Variants in CFAP92 observed in about 807,000 individuals in gnomAD.
CFAP92 encodes the protein cilia and flagella associated protein 92 (putative), also known as uncharacterized protein CFAP92.
CFAP92 carries 86 observed loss-of-function variants against 106.3 expected under a neutral mutation model. The ratio of observed to expected loss-of-function variants is 0.81; its 90% CI spans 0.68 to 0.97. The LOEUF (loss-of-function observed/expected upper bound fraction) is 0.97. CFAP92 is among the 50% of genes least tolerant of loss of function. CFAP92 has a pLI of 0.00. For synonymous variants in CFAP92, 477 were observed against 506.4 expected (o/e 0.94, Z 0.78); for missense variants, 1,204 against 1,283.8 (o/e 0.94, Z 0.95).
intron 15 of CFAP92, 63 bp downstream of exon 15, chr3:128,915,056 G>T (rs1936692020): frequency 4.0e-6 from 6 of 1,482,212 alleles, no homozygotes. Flanking sequence ...ATGCAGAGTG[G>T]CACAGAGCTC....
chr3:128,949,379 A>G (rs756628412), intron 9 of CFAP92, among the ~76,000 whole-genome samples: 4 of 152,356 alleles, frequency 2.6e-5, no homozygotes, highest in Non-Finnish European at 5.9e-5. Flanking sequence ...CAGCAATGAA[A>G]AGGAAAGAAC....
chr3:128,932,568 GC>G, intron 12 of CFAP92, 131 bp downstream of exon 12: 1 of 885,414 alleles, frequency 1.1e-6, no homozygotes, highest in South Asian at 1.8e-5. Context: ...CAGCAGGGTA[GC>G]CCAGGCCAGG....
intron 10 of CFAP92, among the ~76,000 whole-genome samples, chr3:128,935,749 G>A (rs1463813589): frequency 1.3e-5 from 2 of 152,114 alleles, no homozygotes; most frequent in East Asian, 1.9e-4. Context: ...GCCCAGGCAG[G>A]TGGAGGCTGC....
chr3:128,915,113 TGTTACCTGTTACAGGC>T lies in CFAP92; in HGVS notation c.3270_3280+5del. The T allele has an allele frequency of 6.5e-7, 1 of 1,535,444 alleles. No individual in the cohort carries two copies. Among genetic ancestry groups the T allele is most frequent in the Non-Finnish European group, 8.7e-7 (1 of 1,146,578 alleles). The stretch of plus-strand genomic sequence containing the variant: ...AGGCCCAGCTTGGCAAACCCTTGCC[TGTTACCTGTTACAGGC>T]TTTGGTGCGGGCGAAGGGAGCAGCT... On this transcript the variant is annotated splice_donor_variant and splice_donor_5th_base_variant and coding_sequence_variant and intron_variant, in exon 15 of 16. Coordinates refer to ENST00000645291, the MANE Select transcript of CFAP92 (RefSeq NM_001394090.1). LOFTEE classifies it high-confidence loss of function.
chr3:129,016,862 A>G, the CFAP92 span, among the ~76,000 whole-genome samples: 1 of 152,222 alleles, frequency 6.6e-6, no homozygotes, highest in Non-Finnish European at 1.5e-5. Context: ...TGAGTGGTTT[A>G]TCAGTGATGA....
the CFAP92 span, among the ~76,000 whole-genome samples, chr3:129,023,453 C>T: frequency 6.6e-6 from 1 of 152,016 alleles, no homozygotes; most frequent in Non-Finnish European, 1.5e-5. Flanking sequence ...CTCAGCCTCC[C>T]GAGTAGCTGG....
At position 128,945,561 on chromosome 3, in the gene CFAP92, C is replaced by G; in HGVS notation, c.1768G>C (p.Glu590Gln). 6.5e-7 allele frequency: 1 copy of G among 1,536,210 alleles called. No homozygotes were observed. Among genetic ancestry groups the G allele is most frequent in the Non-Finnish European group, 8.7e-7 (1 of 1,146,932 alleles). The part of the protein sequence containing the change: ...LNLAVPIHSC[E>Q]VQPTHCGQDS... ...TGGCCGCAGTGTGTGGGCTGAACCTCACAGCTGTGGATGGGGACGGCCAGA... is the reference window on the plus strand; with the variant it reads ...TGGCCGCAGTGTGTGGGCTGAACCTGACAGCTGTGGATGGGGACGGCCAGA... Residue 590 changes from glutamate (E) to glutamine (Q), a missense_variant, in exon 10 of 16, where the codon GAG becomes CAG. Coordinates refer to ENST00000645291, the MANE Select transcript of CFAP92 (RefSeq NM_001394090.1).
chr3:128,917,134 C>G (rs1186649890), intron 12 of CFAP92, among the ~76,000 whole-genome samples: 6 of 152,166 alleles, frequency 3.9e-5, no homozygotes, highest in Non-Finnish European at 8.8e-5. Flanking sequence ...AAGTCTAGGT[C>G]CTCAGACTTT....
chr3:128,982,030 T>C (rs944743274), intron 4 of CFAP92, among the ~76,000 whole-genome samples: 34 of 152,164 alleles, frequency 2.2e-4, no homozygotes, highest in African/African-American at 6.5e-4. Context: ...TCAATGAGCA[T>C]TGGCCTCTAC....
At chr3:128,961,508 C>A (rs1941918924) in intron 9 of CFAP92, among the ~76,000 whole-genome samples, 1 of 152,204 alleles carries the variant, frequency 6.6e-6, no homozygotes, top group Admixed American at 6.5e-5. Context: ...GGTTTTCATT[C>A]CGTGACTAGC....
At chr3:129,024,153 G>A in the CFAP92 span, among the ~76,000 whole-genome samples, 1 of 152,196 alleles carries the variant, frequency 6.6e-6, no homozygotes, top group African/African-American at 2.4e-5. Flanking sequence ...CCACACGAGG[G>A]CTCTAGGAGC....
At chr3:129,013,890 G>T in the CFAP92 span, among the ~76,000 whole-genome samples, 1 of 152,230 alleles carries the variant, frequency 6.6e-6, no homozygotes, top group African/African-American at 2.4e-5. Context: ...CCGGGCAGAG[G>T]ACCTGGCCAA....
At chr3:128,918,131 G>A (rs1260234826) in intron 12 of CFAP92, among the ~76,000 whole-genome samples, 2 of 152,178 alleles carry the variant, frequency 1.3e-5, no homozygotes, top group Non-Finnish European at 2.9e-5. Context: ...CTAATTGTGA[G>A]GGCTTAGGTT....
chr3:129,002,316 G>T, intron 1 of CFAP92: 1 of 1,522,144 alleles, frequency 6.6e-7, no homozygotes. Flanking sequence ...GCGCTGCCTA[G>T]CACTGCAGGT....
chr3:128,992,050 T>C (rs1243977466), intron 2 of CFAP92, among the ~76,000 whole-genome samples: 3 of 152,120 alleles, frequency 2.0e-5, no homozygotes, highest in Non-Finnish European at 2.9e-5. Context: ...GGGTCTAGGA[T>C]AGCCCACTGG....
chr3:128,959,789 A>G (rs1315866696), intron 9 of CFAP92, among the ~76,000 whole-genome samples: 1 of 152,332 alleles, frequency 6.6e-6, no homozygotes, highest in South Asian at 2.1e-4. Context: ...TCACTGTGGG[A>G]TCCTAAATGG....
At chr3:128,997,686 C>T (rs1944532366), upstream of CFAP92, among the ~76,000 whole-genome samples, 1 of 152,194 alleles carries the variant, frequency 6.6e-6, no homozygotes, top group South Asian at 2.1e-4. Flanking sequence ...TATGGACAGA[C>T]CACAGTTTGC....
chr3:128,933,285 C>T (rs890102296), intron 11 of CFAP92, among the ~76,000 whole-genome samples: 5 of 152,180 alleles, frequency 3.3e-5, no homozygotes, highest in Admixed American at 3.3e-4. Flanking sequence ...CCTCCCATAC[C>T]CCATCGGGAC....
upstream of CFAP92, chr3:129,004,022 G>A: frequency 6.6e-7 from 1 of 1,509,716 alleles, no homozygotes; most frequent in Non-Finnish European, 8.8e-7. Context: ...GGCGCAACAG[G>A]TGCCCGGCTT....
Sources: allele counts gnomAD v4.1 joint callset (sites outside exome capture counted in the v4.1 genomes callset), GRCh38; gene constraint gnomAD v4.1.1; transcripts MANE v1.5; gene names NCBI Gene and HGNC (gene_info 2026-07-23, HGNC 2026-07-21).